The following SCYL3 variants were observed in gnomAD, a reference collection of about 807,000 sequenced individuals.
SCYL3 encodes the protein SCY1 like pseudokinase 3.
SCYL3 carries 35 observed loss-of-function variants against 73.8 expected under a neutral mutation model. The ratio of observed to expected loss-of-function variants is 0.47; its 90% confidence interval spans 0.36 to 0.63. SCYL3 has a LOEUF of 0.63. Among genes scored for constraint, SCYL3 ranks in the 20% least tolerant of loss-of-function variants. The probability of loss-of-function intolerance (pLI) is 0.00; values close to 1 mark genes in which losing one functional copy is unlikely to be tolerated. For missense variants in SCYL3, 712 were observed against 798.9 expected (o/e 0.89, Z 1.31); for synonymous variants, 277 against 295.2 (o/e 0.94, Z 0.63).
chr1:169,870,256 C>T lies in SCYL3; in HGVS notation c.624G>A (p.Gln208=), dbSNP rs1660301808. 1.9e-6 allele frequency: 3 copies of T among 1,607,238 alleles called. No individual in the cohort carries two copies. The highest frequency in any genetic ancestry group is 2.6e-6 in the Non-Finnish European group (3 of 1,174,234). ...VESLLTILNE[Q]VSADVLSSFQ... is the part of the protein sequence containing the mutation. The stretch of plus-strand genomic sequence containing the variant: ...TGCAGTAGTATAACTCCAACTCACC[C>T]TGTTCATTTAAGATTGTGAGCAAAC... The change falls in exon 6 of 13, where the codon CAG becomes CAA. Residue 208 remains glutamine, a splice_region_variant and synonymous_variant. Coordinates refer to ENST00000367771, the MANE Select transcript of SCYL3 (RefSeq NM_020423.7).
At chr1:169,871,382 C>A (rs1033445915) in intron 5 of SCYL3, among the ~76,000 whole-genome samples, 4 of 152,202 alleles carry the variant, frequency 2.6e-5, no homozygotes, top group Admixed American at 1.3e-4. Context: ...AAGCTCTCTT[C>A]TCTTGTCTGC....
intron 3 of SCYL3, among the ~76,000 whole-genome samples, chr1:169,877,203 T>A (rs755421456): frequency 5.9e-5 from 9 of 152,198 alleles, no homozygotes; most frequent in Non-Finnish European, 1.0e-4. Flanking sequence ...TTGCCCCAGC[T>A]GGAGTACAGT....
chr1:169,892,875 G>A (rs935823677), intron 1 of SCYL3, among the ~76,000 whole-genome samples: 1 of 152,142 alleles, frequency 6.6e-6, no homozygotes, highest in South Asian at 2.1e-4. Flanking sequence ...AGACTACCTT[G>A]GTCCTAGCTC....
rs375970043 is a variant in SCYL3 at position 169,862,797 on chromosome 1, T to G, written c.956A>C (p.Asp319Ala). The G allele has an allele frequency of 9.9e-6, 16 of 1,612,768 alleles. No individual in the cohort carries two copies. The South Asian group carries it at 1.6e-4, about 17-fold the overall frequency. ...FLPYLLGPKKDHAQGETPCLL... is the reference protein window; with the variant it reads ...FLPYLLGPKKAHAQGETPCLL... ...GCAAGGAGTTTCTCCCTGCGCATGA[T>G]CTACCCGAAAAATCAAAGGTTACAG... Residue 319 changes from aspartate to alanine, a missense_variant and splice_region_variant, in exon 10 of 13, where the codon GAT becomes GCT. By Grantham distance (126) the Asp-to-Ala change is moderately radical. Coordinates refer to ENST00000367771, the MANE Select transcript of SCYL3 (RefSeq NM_020423.7).
chr1:169,885,703 T>G (rs534801635), intron 2 of SCYL3, among the ~76,000 whole-genome samples: 70 of 152,132 alleles, frequency 4.6e-4, no homozygotes, highest in Non-Finnish European at 8.2e-4. Flanking sequence ...GAGCTTGCAT[T>G]TGAGGTACTG....
At position 169,864,355 on chromosome 1, in the gene SCYL3, G is replaced by T. The variant is rs766752734; in HGVS notation, c.955+14C>A. On this transcript the variant is annotated intron_variant, in intron 9 of 12. Transcript: ENST00000367771. Reference sequence around the variant, plus strand: ...ACTTCTTAACTAGCAATAACACTTTGAAAAAGCATTCACCTTTTTTGGGGC... The same window carrying T: ...ACTTCTTAACTAGCAATAACACTTTTAAAAAGCATTCACCTTTTTTGGGGC... The T allele has an allele frequency of 6.2e-7, 1 of 1,614,028 alleles. No homozygotes were observed. Among genetic ancestry groups the T allele is most frequent in the Admixed American group, 1.7e-5 (1 of 60,006 alleles).
chr1:169,881,650 A>G (rs1308266272), intron 2 of SCYL3, among the ~76,000 whole-genome samples: 1 of 152,084 alleles, frequency 6.6e-6, no homozygotes, highest in Non-Finnish European at 1.5e-5. Flanking sequence ...CTGGTATGAG[A>G]TCAACTTTTT....
chr1:169,876,218 A>G (rs1395419416), intron 3 of SCYL3, 127 bp from the exon 4 acceptor site: 9 of 484,720 alleles, frequency 1.9e-5, no homozygotes, highest in Non-Finnish European at 2.8e-5. Context: ...AATCACCAAA[A>G]AAATTATGAC....
intron 10 of SCYL3, among the ~76,000 whole-genome samples, chr1:169,861,570 T>C (rs1659654031): frequency 6.6e-6 from 1 of 152,172 alleles, no homozygotes; most frequent in African/African-American, 2.4e-5. Flanking sequence ...CTGAGTCCAG[T>C]CAATCCAAAG....
At chr1:169,882,326 C>T (rs539635447) in intron 2 of SCYL3, among the ~76,000 whole-genome samples, 16 of 152,324 alleles carry the variant, frequency 1.1e-4, no homozygotes, top group East Asian at 9.7e-4. Context: ...ATTTTCTCGC[C>T]GGGCCTTAGC....
chr1:169,853,588 T>A lies in SCYL3; in HGVS notation c.*125A>T. ...ACTTCAGTTGGCACAGACTGGATAA[T>A]GAGCTCCTGGGATGGGAAAAGCAGG... On this transcript the variant is annotated 3_prime_UTR_variant, in exon 13 of 13. Coordinates refer to ENST00000367771, the MANE Select transcript of SCYL3 (RefSeq NM_020423.7). The A allele has an allele frequency of 2.1e-6, 2 of 963,380 alleles. No individual in the cohort carries two copies. The highest frequency in any genetic ancestry group is 3.2e-6 in the Non-Finnish European group (2 of 630,666). The allele number at this position is 963,380 out of a possible 1,614,324, so 59.7% of individuals were successfully genotyped here.
chr1:169,866,062 G>C (rs1254322338), intron 8 of SCYL3, among the ~76,000 whole-genome samples: 1 of 152,170 alleles, frequency 6.6e-6, no homozygotes, highest in Non-Finnish European at 1.5e-5. Flanking sequence ...AGACCTGTCT[G>C]TTCAACGGTC....
chr1:169,855,709 A>G (rs1659074684), intron 11 of SCYL3: 1 of 1,290,132 alleles, frequency 7.8e-7, no homozygotes, highest in Non-Finnish European at 1.1e-6. Context: ...ATCAGTCTCA[A>G]AACTCCCAAA....
intron 7 of SCYL3, 112 bp downstream of exon 7, chr1:169,868,816 G>C (rs940513042): frequency 7.5e-6 from 5 of 662,294 alleles, no homozygotes; most frequent in African/African-American, 1.8e-5. Context: ...ATTAACAACA[G>C]AAACTGCATC....
chr1:169,892,026 C>A (rs1179781292), intron 1 of SCYL3, among the ~76,000 whole-genome samples: 2 of 152,118 alleles, frequency 1.3e-5, no homozygotes, highest in African/African-American at 4.8e-5. Context: ...GGAAAGGATG[C>A]CATTTTCTTG....
intron 2 of SCYL3, among the ~76,000 whole-genome samples, chr1:169,879,897 AGAAT>A (rs1215403026): frequency 2.6e-5 from 4 of 152,246 alleles, no homozygotes; most frequent in Non-Finnish European, 4.4e-5. Flanking sequence ...ACTCATTAAC[AGAAT>A]GAATATGACA....
intron 5 of SCYL3, 147 bp from the exon 6 acceptor site, chr1:169,870,504 C>T: frequency 1.7e-6 from 1 of 600,152 alleles, no homozygotes. Context: ...ATTCTTAACA[C>T]TATTAGTGAA....
At chr1:169,875,916 G>T (rs1660765615) in intron 4 of SCYL3, 62 bp downstream of exon 4, 2 of 1,063,618 alleles carry the variant, frequency 1.9e-6, no homozygotes, top group Admixed American at 2.5e-5. Flanking sequence ...GCCTAGGCAA[G>T]AACCACATAC....
chr1:169,854,124 C>CAATG (rs1658859217), intron 12 of SCYL3, 146 bp downstream of exon 12: 1 of 621,886 alleles, frequency 1.6e-6, no homozygotes. Flanking sequence ...AGATAGATAC[C>CAATG]AATGATAGAA....
Sources: allele counts gnomAD v4.1 joint callset (sites outside exome capture counted in the v4.1 genomes callset), GRCh38; gene constraint gnomAD v4.1.1; transcripts MANE v1.5; gene names NCBI Gene and HGNC (gene_info 2026-07-23, HGNC 2026-07-21).